ENTPD5: variants seen among roughly 807,000 people sequenced by gnomAD.
The protein encoded by ENTPD5 is nucleoside diphosphate phosphatase ENTPD5.
A neutral mutation model predicts 60.2 loss-of-function variants in ENTPD5; 49 were observed. That is an observed-to-expected ratio of 0.81 (90% CI 0.65 to 1.03). The LOEUF (loss-of-function observed/expected upper bound fraction) is 1.03, where lower values mean the gene tolerates loss of function less well. Among genes scored for constraint, ENTPD5 ranks in the 50% least tolerant of loss-of-function variants. The probability of loss-of-function intolerance (pLI) is 0.00; values close to 1 mark genes in which losing one functional copy is unlikely to be tolerated. For synonymous variants in ENTPD5, 187 were observed against 185.4 expected, an observed-to-expected ratio of 1.01 and a Z score of -0.07; for missense variants, 480 against 507.6, an observed-to-expected ratio of 0.95 and a Z score of 0.52.
chr14:73,955,750 T>C (rs1488668189), downstream of ENTPD5: 8 of 1,613,302 alleles, frequency 5.0e-6, no homozygotes, highest in African/African-American at 1.3e-5. Flanking sequence ...TTGTTTCTGA[T>C]TGGAGTGATG....
chr14:73,958,224 C>G, downstream of ENTPD5: 1 of 1,614,094 alleles, frequency 6.2e-7, no homozygotes, highest in Non-Finnish European at 8.5e-7. Flanking sequence ...CGACTCCAGC[C>G]CTTGGGTTCA....
intron 1 of ENTPD5, chr14:74,018,406 G>A (rs2059126529): frequency 6.6e-6 from 1 of 152,176 alleles, no homozygotes; most frequent in Non-Finnish European, 1.5e-5. Context: ...ATTTGAAATG[G>A]AGTATAACAG....
intron 3 of ENTPD5, among the ~76,000 whole-genome samples, chr14:74,001,912 A>G (rs2058524837): frequency 6.6e-6 from 1 of 152,122 alleles, no homozygotes; most frequent in Non-Finnish European, 1.5e-5. Flanking sequence ...TTGAGAAACA[A>G]AAAGTAGAAA....
intron 5 of ENTPD5, among the ~76,000 whole-genome samples, chr14:73,983,523 C>T (rs544811693): frequency 6.7e-6 from 1 of 150,314 alleles, no homozygotes; most frequent in South Asian, 2.1e-4. Context: ...ACTCGGGAGG[C>T]TGAGGCAAGA....
intron 3 of ENTPD5, among the ~76,000 whole-genome samples, chr14:74,009,776 AT>A (rs1399985301): frequency 1.3e-5 from 2 of 150,848 alleles, no homozygotes; most frequent in African/African-American, 4.9e-5. Flanking sequence ...CACCCAGATA[AT>A]TTTTGCATGT....
In ENTPD5 at chr14:73,966,686, C is replaced by G. The variant is rs2056985334; in HGVS notation, c.*242G>C. 1 of 391,676 alleles carries G rather than the reference C, an allele frequency of 2.6e-6. No homozygotes were observed. Among genetic ancestry groups the G allele is most frequent in the Non-Finnish European group, 4.5e-6 (1 of 219,780 alleles). The allele number at this position is 391,676 out of a possible 1,614,324, so 24.3% of individuals were successfully genotyped here. On this transcript the variant is annotated 3_prime_UTR_variant, in exon 16 of 16. Transcript: ENST00000334696. ...TTCCAGGGACCTGTCCCTGGGCTCT[C>G]ACTCCAAGGTTAAGTTCCAAAACTA...
chr14:74,000,709 G>C (rs2058481348), intron 3 of ENTPD5, among the ~76,000 whole-genome samples: 1 of 150,862 alleles, frequency 6.6e-6, no homozygotes, highest in African/African-American at 2.4e-5. Flanking sequence ...AACCTGGGAG[G>C]CGAGGCTGCA....
chr14:73,961,092 C>A, downstream of ENTPD5: 1 of 1,490,620 alleles, frequency 6.7e-7, no homozygotes, highest in Non-Finnish European at 9.1e-7. Flanking sequence ...GCTTTGGTTA[C>A]AAACAAGGTT....
chr14:73,968,780 A>G (rs3784041), intron 15 of ENTPD5, among the ~76,000 whole-genome samples: 17,151 of 152,184 alleles, frequency 0.11, 1,259 homozygotes, highest in Admixed American at 0.19. Flanking sequence ...ACCACCACCA[A>G]AAAAGTCTAT....
intron 3 of ENTPD5, among the ~76,000 whole-genome samples, chr14:74,000,956 C>T (rs993079847): frequency 1.3e-5 from 2 of 151,890 alleles, no homozygotes; most frequent in African/African-American, 4.8e-5. Flanking sequence ...TGGAGTGGCA[C>T]GTGACCATAG....
At chr14:74,004,459 G>A (rs374620042) in intron 3 of ENTPD5, among the ~76,000 whole-genome samples, 3 of 152,092 alleles carry the variant, frequency 2.0e-5, no homozygotes, top group East Asian at 1.9e-4. Flanking sequence ...CATTGCGCCC[G>A]GCCTATCTCA....
intron 3 of ENTPD5, among the ~76,000 whole-genome samples, 171 bp downstream of exon 3, chr14:74,010,920 C>T (rs2058829555): frequency 6.6e-6 from 1 of 152,254 alleles, no homozygotes; most frequent in Non-Finnish European, 1.5e-5. Flanking sequence ...TCAACATAAG[C>T]AAATGAAGAC....
At chr14:73,989,996 G>A (rs974435546) in intron 3 of ENTPD5, among the ~76,000 whole-genome samples, 3 of 151,906 alleles carry the variant, frequency 2.0e-5, no homozygotes, top group Non-Finnish European at 4.4e-5. Context: ...AACAGAGCAA[G>A]ACTTCGTCTC....
intron 2 of ENTPD5, among the ~76,000 whole-genome samples, chr14:74,012,843 C>T (rs895808101): frequency 1.2e-4 from 18 of 152,174 alleles, no homozygotes; most frequent in Non-Finnish European, 5.9e-5. Context: ...CCCCCAAAAA[C>T]CTACCATTCA....
rs1041514086 is a variant in ENTPD5, at chr14:73,972,935, A to G, written c.976T>C (p.Phe326Leu). Residue 326 changes from phenylalanine to leucine, a missense_variant, in exon 13 of 16, where the codon TTC becomes CTC. By Grantham distance (22) the Phe-to-Leu change is conservative. Coordinates refer to ENST00000334696, the MANE Select transcript of ENTPD5 (RefSeq NM_001249.5). Reference protein sequence around the residue: ...HQPEEVQRGSFYAFSYYYDRA... With the variant: ...HQPEEVQRGSLYAFSYYYDRA... ...TCATAATAGTAAGAGAAAGCATAGAAGGAACCTCTCTGGACCTCCTCTGGC... is the reference window on the plus strand; with the variant it reads ...TCATAATAGTAAGAGAAAGCATAGAGGGAACCTCTCTGGACCTCCTCTGGC... 6.2e-7 allele frequency: 1 copy of G among 1,614,236 alleles called. No individual in the cohort carries two copies. Among genetic ancestry groups the G allele is most frequent in the African/African-American group, 1.3e-5 (1 of 75,058 alleles).
In ENTPD5 at chr14:73,987,979, T is replaced by C; in HGVS notation, c.124A>G (p.Asn42Asp). The change falls in exon 4 of 16, where the codon AAT (asparagine) becomes GAT (aspartate). Residue 42 changes from asparagine (N) to aspartate (D), a missense_variant. By Grantham distance (23) the Asn-to-Asp change is conservative (BLOSUM62 1). Transcript: ENST00000334696. The stretch of plus-strand genomic sequence containing the variant: ...CCATACAAGGTGCTGGCGCTGACAT[T>C]GATGGGGCACATGGAAGACAGGAAG... ...GIFLSSMCPI[N>D]VSASTLYGIM... The C allele has an allele frequency of 1.9e-6, 3 of 1,614,146 alleles. No individual in the cohort carries two copies. The South Asian group carries it at 3.3e-5, about 18-fold the overall frequency.
In ENTPD5 at chr14:73,971,788, T is replaced by C. The variant is rs1352098833; in HGVS notation, c.1084+64A>G. 3.5e-5 allele frequency: 39 copies of C among 1,110,656 alleles called. No individual in the cohort carries two copies. In the South Asian group the frequency reaches 4.5e-4, roughly 13 times the overall value. 68.8% of individuals were successfully genotyped at this position (1,110,656 alleles called of 1,614,324 possible). ...CTGACTGAGGTGCTTTAGGTCACTT[T>C]AGGTCACTAGAGTAGGCAGGCAGTC... is the stretch of plus-strand genomic sequence containing the variant. On this transcript the variant is annotated intron_variant, in intron 14 of 15. Transcript: ENST00000334696.
chr14:73,976,979 GT>G, intron 8 of ENTPD5, 44 bp downstream of exon 8: 1 of 1,515,204 alleles, frequency 6.6e-7, no homozygotes, highest in South Asian at 1.1e-5. Context: ...GACTATGCAT[GT>G]AAAAGCTAGT....
intron 3 of ENTPD5, among the ~76,000 whole-genome samples, chr14:74,004,886 T>C (rs927871943): frequency 6.6e-6 from 1 of 152,000 alleles, no homozygotes; most frequent in Non-Finnish European, 1.5e-5. Flanking sequence ...GGCATGAATA[T>C]TAGGAGGTGA....
Sources: gnomAD v4.1 joint callset for allele counts (sites outside exome capture counted in the v4.1 genomes callset) on GRCh38, gnomAD v4.1.1 for gene constraint, MANE v1.5 for transcripts, NCBI Gene and HGNC (gene_info 2026-07-23, HGNC 2026-07-21) for gene names.